The following ABI1 variants were observed in gnomAD, a reference collection of about 807,000 sequenced individuals.
ABI1 encodes the protein abl interactor 1.
Under a neutral mutation model 54.6 loss-of-function variants are expected in ABI1, and 14 were observed. That is an observed-to-expected ratio of 0.26 (90% confidence interval 0.17 to 0.40). The LOEUF (loss-of-function observed/expected upper bound fraction) is 0.40, where lower values mean the gene tolerates loss of function less well. ABI1 is among the 10% of genes least tolerant of loss of function. The pLI, the probability that ABI1 is intolerant of heterozygous loss-of-function variation, is 1.00. For missense variants in ABI1, 443 were observed against 598.3 expected, an observed-to-expected ratio of 0.74 and a Z score of 2.71; for synonymous variants, 194 against 209.3, an observed-to-expected ratio of 0.93 and a Z score of 0.63.
chr10:26,808,902 C>G, intron 2 of ABI1, among the ~76,000 whole-genome samples: 1 of 151,836 alleles, frequency 6.6e-6, no homozygotes, highest in East Asian at 1.9e-4. Context: ...TAATAAAGGA[C>G]GGGGAGACAG....
intron 1 of ABI1, among the ~76,000 whole-genome samples, chr10:26,827,647 C>CA (rs2048394226): frequency 6.8e-6 from 1 of 146,486 alleles, no homozygotes. Flanking sequence ...GGCTGGAGTG[C>CA]AATGGAGTGA....
chr10:26,789,097 A>G (rs1438076159), intron 2 of ABI1: 5 of 152,138 alleles, frequency 3.3e-5, no homozygotes, highest in African/African-American at 1.2e-4. Flanking sequence ...CCCCCTTGGC[A>G]TGTCTTTGGA....
At chr10:26,767,216 C>G (rs963566116) in intron 6 of ABI1, among the ~76,000 whole-genome samples, 9 of 152,144 alleles carry the variant, frequency 5.9e-5, no homozygotes, top group African/African-American at 1.9e-4. Context: ...ACAAAGAGAA[C>G]AATTTTGTTC....
intron 2 of ABI1, among the ~76,000 whole-genome samples, chr10:26,817,695 G>T (rs1476981253): frequency 2.0e-5 from 3 of 152,174 alleles, no homozygotes; most frequent in Non-Finnish European, 2.9e-5. Flanking sequence ...ATGGTTGAAT[G>T]ATCAATTTTA....
chr10:26,834,705 G>C (rs1191526939), intron 1 of ABI1, among the ~76,000 whole-genome samples: 1 of 151,998 alleles, frequency 6.6e-6, no homozygotes. Context: ...GGTGGCTCAC[G>C]CCTGTAATCC....
At chr10:26,777,365 A>T in intron 2 of ABI1, 124 bp from the exon 3 acceptor site, 1 of 632,708 alleles carries the variant, frequency 1.6e-6, no homozygotes. Context: ...TTTTCCAGTG[A>T]ATACTATTAA....
chr10:26,755,517 A>C, intron 9 of ABI1, 138 bp downstream of exon 9: 1 of 623,506 alleles, frequency 1.6e-6, no homozygotes, highest in Non-Finnish European at 2.7e-6. Flanking sequence ...CGTGCTCTTC[A>C]GTTTCAGTAA....
chr10:26,817,831 G>A lies in ABI1; in HGVS notation c.285+5307C>T, dbSNP rs369526896. Among the ~76,000 whole-genome samples the A allele has an allele frequency of 1.7e-4, 26 of 152,176 alleles. No individual in the cohort carries two copies. In the East Asian group the frequency reaches 2.9e-3, roughly 17 times the overall value. On this transcript the variant is annotated intron_variant, in intron 2 of 10. Coordinates refer to ENST00000376140, the MANE Select transcript of ABI1 (RefSeq NM_001012750.3). ...AACACTTCATGCTAAAGTATTCCAA[G>A]GGAATAAAAACCACCAAAACTCTGG...
At chr10:26,843,470 AAAAAAAAAAAAAAAAATATATATATAT>A (rs1199855830) in intron 1 of ABI1, among the ~76,000 whole-genome samples, 16 of 72,978 alleles carry the variant, frequency 2.2e-4, no homozygotes, top group African/African-American at 6.3e-4. Context: ...AAAAAAAAAA[AAAAAAAAAAAAAAAAATATATATATAT>A]ATATATATAT....
chr10:26,829,213 G>A (rs1222793647), intron 1 of ABI1, among the ~76,000 whole-genome samples: 10 of 148,732 alleles, frequency 6.7e-5, no homozygotes, highest in South Asian at 2.1e-4. Flanking sequence ...GTGACAGAGC[G>A]AGATTCTGTC....
At chr10:26,817,189 G>A (rs1021418623) in intron 2 of ABI1, among the ~76,000 whole-genome samples, 3 of 151,462 alleles carry the variant, frequency 2.0e-5, no homozygotes, top group Admixed American at 6.6e-5. Flanking sequence ...TAGTAGAGAC[G>A]GGGTTTCACC....
At chr10:26,770,467 A>G in intron 4 of ABI1, 122 bp from the exon 5 acceptor site, 1 of 1,030,152 alleles carries the variant, frequency 9.7e-7, no homozygotes, top group South Asian at 1.3e-5. Flanking sequence ...CAGTTTGAAT[A>G]AAGACTTTGG....
chr10:26,842,439 T>C (rs77516752), intron 1 of ABI1, among the ~76,000 whole-genome samples: 3,669 of 152,272 alleles, frequency 0.024, 153 homozygotes, highest in African/African-American at 0.083. Context: ...CGTCATTCCA[T>C]TTATTTATTT....
chr10:26,797,041 C>A (rs932941452), intron 2 of ABI1, among the ~76,000 whole-genome samples: 3 of 152,206 alleles, frequency 2.0e-5, no homozygotes, highest in Non-Finnish European at 4.4e-5. Context: ...AAGCCACGGA[C>A]TAGTACAGGC....
At chr10:26,817,822 G>T (rs1034375849) in intron 2 of ABI1, among the ~76,000 whole-genome samples, 1 of 152,094 alleles carries the variant, frequency 6.6e-6, no homozygotes, top group Non-Finnish European at 1.5e-5. Context: ...TCATGCTAAA[G>T]TATTCCAAGG....
intron 2 of ABI1, among the ~76,000 whole-genome samples, chr10:26,792,240 T>A (rs1180043711): frequency 3.3e-5 from 5 of 152,232 alleles, no homozygotes; most frequent in Non-Finnish European, 5.9e-5. Flanking sequence ...TATATATGCA[T>A]AACATATATT....
At chr10:26,819,681 C>T (rs2047838159) in intron 2 of ABI1, among the ~76,000 whole-genome samples, 1 of 152,064 alleles carries the variant, frequency 6.6e-6, no homozygotes. Context: ...GGATATATAA[C>T]AATTCTTAAT....
chr10:26,855,970 C>CAAAAAAAAAAAAAAAA (rs11369827), intron 1 of ABI1, among the ~76,000 whole-genome samples: 1 of 80,574 alleles, frequency 1.2e-5, no homozygotes, highest in Non-Finnish European at 2.6e-5. Context: ...GACTCCATCT[C>CAAAAAAAAAAAAAAAA]AAAAAAAAAA....
chr10:26,836,607 T>C (rs2049096462), intron 1 of ABI1, among the ~76,000 whole-genome samples: 1 of 152,210 alleles, frequency 6.6e-6, no homozygotes. Context: ...TGATCCACAA[T>C]AGCCGCGTAA....
Sources: gnomAD v4.1 joint callset for allele counts (sites outside exome capture counted in the v4.1 genomes callset) on GRCh38, gnomAD v4.1.1 for gene constraint, MANE v1.5 for transcripts, NCBI Gene and HGNC (gene_info 2026-07-23, HGNC 2026-07-21) for gene names.